ZNF83: variants seen among roughly 807,000 people sequenced by gnomAD.
ZNF83 encodes zinc finger protein 816B.
For synonymous variants in ZNF83, 209 were observed against 213.0 expected (o/e 0.98, Z 0.17); for missense variants, 552 against 629.9 (o/e 0.88, Z 1.32).
chr19:52,671,331 T>C (rs2061722141), intron 1 of ZNF83, among the ~76,000 whole-genome samples: 1 of 152,226 alleles, frequency 6.6e-6, no homozygotes. Flanking sequence ...ACGATAAATG[T>C]TGTTGACAAC....
At chr19:52,643,872 C>G (rs2061339249) in intron 3 of ZNF83, among the ~76,000 whole-genome samples, 1 of 152,116 alleles carries the variant, frequency 6.6e-6, no homozygotes, top group South Asian at 2.1e-4. Context: ...GGACAATAAC[C>G]TGAGACAGGA....
At chr19:52,612,919 G>T in exon 3 of ZNF83, 1 of 1,057,412 alleles carries the variant, frequency 9.5e-7, no homozygotes, top group Non-Finnish European at 1.3e-6. Flanking sequence ...AAAACTAAAG[G>T]CTCTGCTACA....
intron 1 of ZNF83, among the ~76,000 whole-genome samples, chr19:52,685,001 T>C (rs768139122): frequency 6.6e-6 from 1 of 152,184 alleles, no homozygotes; most frequent in African/African-American, 2.4e-5. Flanking sequence ...GATGTCCTCA[T>C]ACAGAGAAAG....
At chr19:52,632,973 C>CCAA (rs2061022123) in intron 2 of ZNF83, among the ~76,000 whole-genome samples, 1 of 152,144 alleles carries the variant, frequency 6.6e-6, no homozygotes, top group Admixed American at 6.6e-5. Context: ...ATACCACCCC[C>CCAA]AAAAATTTTC....
intron 1 of ZNF83, among the ~76,000 whole-genome samples, chr19:52,675,890 A>G (rs978291914): frequency 6.6e-6 from 1 of 152,208 alleles, no homozygotes; most frequent in African/African-American, 2.4e-5. Context: ...TGGGCAAAGG[A>G]CAAGAATGAA....
chr19:52,634,904 G>A (rs1024833015), intron 2 of ZNF83, among the ~76,000 whole-genome samples, 162 bp downstream of exon 2: 1 of 152,124 alleles, frequency 6.6e-6, no homozygotes, highest in African/African-American at 2.4e-5. Flanking sequence ...CACAAGAGAT[G>A]GAATCTAAGT....
chr19:52,634,430 G>A (rs1232594143), intron 2 of ZNF83, among the ~76,000 whole-genome samples: 1 of 152,074 alleles, frequency 6.6e-6, no homozygotes, highest in African/African-American at 2.4e-5. Context: ...CAATCTCCAC[G>A]AGCTTAATGT....
chr19:52,683,660 G>A (rs2061965808), intron 1 of ZNF83, among the ~76,000 whole-genome samples: 1 of 152,308 alleles, frequency 6.6e-6, no homozygotes, highest in South Asian at 2.1e-4. Context: ...GGCTGAAGAT[G>A]CAGGGTCTGG....
At chr19:52,663,265 C>T (rs2061603051) in intron 1 of ZNF83, among the ~76,000 whole-genome samples, 1 of 152,176 alleles carries the variant, frequency 6.6e-6, no homozygotes, top group Non-Finnish European at 1.5e-5. Flanking sequence ...CCTAAACATG[C>T]AATTATTTTC....
chr19:52,631,119 C>T lies in ZNF83; in HGVS notation c.-234+3947G>A, dbSNP rs537021934. Among the ~76,000 whole-genome samples the T allele has an allele frequency of 1.8e-4, 19 of 106,174 alleles. 1 individual carries two copies. The highest frequency in any genetic ancestry group is 6.5e-4 in the African/African-American group (19 of 29,050). The allele number at this position is 106,174 out of a possible 152,430, so 69.7% of individuals were successfully genotyped here. On this transcript the variant is annotated intron_variant, in intron 2 of 2. Coordinates refer to ENST00000301096, the Ensembl canonical transcript of ZNF83. ...GACACCCATTAGGCTCAGCAAATTACCTGGGGCTGTACTGCCGCAAGGCTT... is the reference window on the plus strand; with the variant it reads ...GACACCCATTAGGCTCAGCAAATTATCTGGGGCTGTACTGCCGCAAGGCTT...
chr19:52,667,625 T>TA (rs2061672585), intron 1 of ZNF83, among the ~76,000 whole-genome samples: 1 of 152,184 alleles, frequency 6.6e-6, no homozygotes, highest in Admixed American at 6.5e-5. Flanking sequence ...ATGTTAATTG[T>TA]AAAGGAAATT....
chr19:52,632,728 T>A (rs1295414580), intron 2 of ZNF83, among the ~76,000 whole-genome samples: 1 of 152,206 alleles, frequency 6.6e-6, no homozygotes. Flanking sequence ...CAATTCTTAG[T>A]CCTTTAATAC....
chr19:52,677,212 C>CTTTAAACCAA (rs1215943184), intron 1 of ZNF83, among the ~76,000 whole-genome samples: 1 of 150,776 alleles, frequency 6.6e-6, no homozygotes, highest in Admixed American at 6.6e-5. Context: ...CAAAATCAGC[C>CTTTAAACCAA]TGCAGTTCAC....
chr19:52,631,945 C>A (rs1462234573), intron 2 of ZNF83, among the ~76,000 whole-genome samples: 1 of 143,204 alleles, frequency 7.0e-6, no homozygotes, highest in Non-Finnish European at 1.5e-5. Flanking sequence ...GCCCCCCTCC[C>A]TTCCCTACAC....
exon 3 of ZNF83, chr19:52,613,021 CAT>C (rs751119713): frequency 1.1e-4 from 177 of 1,591,552 alleles, no homozygotes; most frequent in Non-Finnish European, 1.5e-4. Context: ...ACATTAATTA[CAT>C]GTGTTAGATT....
intron 3 of ZNF83, chr19:52,652,743 A>C (rs2061458341): frequency 2.6e-6 from 2 of 759,338 alleles, no homozygotes; most frequent in Non-Finnish European, 4.5e-6. Flanking sequence ...TCCCTATACC[A>C]TGGATTGCTT....
chr19:52,643,021 G>T (rs777916948), upstream of ZNF83, among the ~76,000 whole-genome samples: 1 of 152,068 alleles, frequency 6.6e-6, no homozygotes, highest in African/African-American at 2.4e-5. Context: ...GCCAGGCTTG[G>T]TGGGTATCTG....
intron 2 of ZNF83, among the ~76,000 whole-genome samples, chr19:52,626,551 T>C (rs1277587132): frequency 6.6e-6 from 1 of 152,184 alleles, no homozygotes; most frequent in Non-Finnish European, 1.5e-5. Context: ...CCCTGGTACC[T>C]GTTTTTCTCC....
At chr19:52,637,799 G>C (rs192195273) in intron 1 of ZNF83, among the ~76,000 whole-genome samples, 2 of 152,162 alleles carry the variant, frequency 1.3e-5, no homozygotes, top group East Asian at 3.9e-4. Context: ...GGGTTCAGGG[G>C]AAGAGGTGAC....
Sources: gnomAD v4.1 joint callset for allele counts (sites outside exome capture counted in the v4.1 genomes callset) on GRCh38, gnomAD v4.1.1 for gene constraint, MANE v1.5 for transcripts, NCBI Gene and HGNC (gene_info 2026-07-23, HGNC 2026-07-21) for gene names.